The following DTNBP1 variants were observed in gnomAD, a reference collection of about 807,000 sequenced individuals.
DTNBP1 encodes dysbindin.
Under a neutral mutation model 42.8 loss-of-function variants are expected in DTNBP1, and 35 were observed. That is an observed-to-expected ratio of 0.82 (90% CI 0.63 to 1.09). The LOEUF is 1.09. Ranked by LOEUF, DTNBP1 falls within the 50% of genes least tolerant of loss-of-function variation. DTNBP1 has a pLI of 0.00. For synonymous variants in DTNBP1, 171 were observed against 162.2 expected (o/e 1.05, Z -0.41); for missense variants, 457 against 424.2 (o/e 1.08, Z -0.68).
intron 7 of DTNBP1, among the ~76,000 whole-genome samples, chr6:15,561,292 A>G (rs776572233): frequency 2.0e-5 from 3 of 152,248 alleles, no homozygotes; most frequent in Non-Finnish European, 4.4e-5. Context: ...TGCCCAGTTC[A>G]TGGAAAGCCT....
intron 6 of DTNBP1, among the ~76,000 whole-genome samples, chr6:15,603,423 T>C (rs1472802443): frequency 1.3e-5 from 2 of 152,208 alleles, no homozygotes; most frequent in African/African-American, 4.8e-5. Flanking sequence ...ATATTTTCCA[T>C]GTCTCTACTT....
chr6:15,652,038 T>C, intron 2 of DTNBP1, 49 bp downstream of exon 2: 1 of 1,531,732 alleles, frequency 6.5e-7, no homozygotes, highest in Non-Finnish European at 9.0e-7. Flanking sequence ...CACCAAAAGT[T>C]GTATGAAATT....
At chr6:15,573,285 T>C (rs1340753816) in intron 7 of DTNBP1, among the ~76,000 whole-genome samples, 3 of 152,162 alleles carry the variant, frequency 2.0e-5, no homozygotes, top group African/African-American at 7.2e-5. Flanking sequence ...TTTTGATACA[T>C]GATATATACT....
At chr6:15,615,421 C>G in intron 5 of DTNBP1, 22 bp from the exon 6 acceptor site, 1 of 1,613,054 alleles carries the variant, frequency 6.2e-7, no homozygotes, top group Non-Finnish European at 8.5e-7. Flanking sequence ...TAAAAATAAA[C>G]AGACCTCAAA....
intron 5 of DTNBP1, among the ~76,000 whole-genome samples, chr6:15,617,547 C>G (rs1039397184): frequency 1.3e-5 from 2 of 151,450 alleles, no homozygotes; most frequent in African/African-American, 4.9e-5. Context: ...AACAGAGAAC[C>G]CAGAAAACCC....
At chr6:15,593,141 C>T (rs1776368349) in intron 6 of DTNBP1, 60 bp from the exon 7 acceptor site, 2 of 1,447,738 alleles carry the variant, frequency 1.4e-6, no homozygotes, top group Non-Finnish European at 9.4e-7. Flanking sequence ...CCAATGAAAA[C>T]TGTTCTTCCA....
intron 7 of DTNBP1, chr6:15,579,795 G>A (rs926498623): frequency 2.0e-5 from 9 of 452,354 alleles, no homozygotes; most frequent in Non-Finnish European, 3.5e-5. Context: ...CCGACAGAGT[G>A]AGACTCCCTC....
intron 7 of DTNBP1, among the ~76,000 whole-genome samples, chr6:15,557,060 TTC>T (rs1161506596): frequency 1.3e-5 from 2 of 152,154 alleles, no homozygotes; most frequent in Non-Finnish European, 2.9e-5. Context: ...TTGTCTGCAC[TTC>T]TGTCTGGTGT....
At chr6:15,551,847 C>T (rs998567593) in intron 7 of DTNBP1, among the ~76,000 whole-genome samples, 2 of 152,200 alleles carry the variant, frequency 1.3e-5, no homozygotes, top group African/African-American at 4.8e-5. Flanking sequence ...CAGGAGCAGC[C>T]TCACAAGTAC....
At chr6:15,552,862 A>G (rs1189461066) in intron 7 of DTNBP1, among the ~76,000 whole-genome samples, 5 of 152,196 alleles carry the variant, frequency 3.3e-5, no homozygotes, top group African/African-American at 1.2e-4. Context: ...GAATACTTTC[A>G]GGTCTTCTAT....
chr6:15,589,050 G>C (rs1776192889), intron 7 of DTNBP1, among the ~76,000 whole-genome samples: 1 of 152,334 alleles, frequency 6.6e-6, no homozygotes, highest in South Asian at 2.1e-4. Flanking sequence ...ATTGTTCAAT[G>C]GCAGCTGAAT....
In DTNBP1 at chr6:15,587,450, T is replaced by C. The variant is rs1008254721; in HGVS notation, c.511+5609A>G. Among the ~76,000 whole-genome samples, 1 of 152,226 alleles carries C rather than the reference T, an allele frequency of 6.6e-6. No homozygotes were observed. Among genetic ancestry groups the C allele is most frequent in the Non-Finnish European group, 1.5e-5 (1 of 68,030 alleles). ...ACGAAGGACCTTAAATATTAAATAG[T>C]CAAACCAATTTTAAAAAGTAGTAGG... is the stretch of plus-strand genomic sequence containing the variant. On this transcript the variant is annotated intron_variant, in intron 7 of 9. Transcript: ENST00000344537. This position sits in a 1 kb window ranked among gnomAD's most constrained non-coding sequence, Gnocchi z 4.1.
intron 7 of DTNBP1, among the ~76,000 whole-genome samples, chr6:15,566,023 A>C (rs1476837628): frequency 6.6e-6 from 1 of 152,222 alleles, no homozygotes; most frequent in East Asian, 1.9e-4. Flanking sequence ...TCTAAAGCCA[A>C]GACTGAAAAA....
intron 4 of DTNBP1, among the ~76,000 whole-genome samples, chr6:15,632,996 C>G (rs927420141): frequency 1.3e-5 from 2 of 152,112 alleles, no homozygotes; most frequent in African/African-American, 4.8e-5. Context: ...CATTTTAAAA[C>G]AACGTGTGAG....
At chr6:15,648,592 T>C (rs893017698) in intron 3 of DTNBP1, among the ~76,000 whole-genome samples, 5 of 151,994 alleles carry the variant, frequency 3.3e-5, no homozygotes, top group Non-Finnish European at 7.4e-5. Context: ...GTTGTTTCTA[T>C]ATACTACCAA....
intron 6 of DTNBP1, among the ~76,000 whole-genome samples, chr6:15,605,881 A>T (rs1561986859): frequency 6.6e-6 from 1 of 152,204 alleles, no homozygotes; most frequent in Non-Finnish European, 1.5e-5. Flanking sequence ...TCTAGCCACT[A>T]CACAATGTTT....
At chr6:15,558,991 G>A (rs905439782) in intron 7 of DTNBP1, among the ~76,000 whole-genome samples, 10 of 152,094 alleles carry the variant, frequency 6.6e-5, no homozygotes, top group African/African-American at 2.2e-4. Flanking sequence ...TTTAGACTAC[G>A]GAAATGACAT....
rs375418867 is a variant in DTNBP1 at position 15,653,251 on chromosome 6, T to C, written c.57-1111A>G. On this transcript the variant is annotated intron_variant, in intron 1 of 9. Transcript: ENST00000344537. ...GATGACTCAGGATCAGTATTAAGAA[T>C]ATCATTGACTACATTTTGCAGCAAA... Among the ~76,000 whole-genome samples the C allele has an allele frequency of 2.3e-4, 35 of 152,352 alleles. No individual in the cohort carries two copies. The South Asian group carries it at 6.6e-3, about 29-fold the overall frequency.
rs906861981 is a variant in DTNBP1 at position 15,648,607 on chromosome 6, TAATTC to T, written c.161+2701_161+2705del. On this transcript the variant is annotated intron_variant, in intron 3 of 9. Transcript: ENST00000344537. The stretch of plus-strand genomic sequence containing the variant: ...GTTGTTTCTATATACTACCAATAAA[TAATTC>T]AAAAAAAGCAATTAAGAAAACAATT... Among the ~76,000 whole-genome samples the T allele has an allele frequency of 6.3e-4, 95 of 151,704 alleles. 1 individual carries two copies. The highest frequency in any genetic ancestry group is 3.4e-3 in the Middle Eastern group (1 of 294).
Sources: allele counts gnomAD v4.1 joint callset (sites outside exome capture counted in the v4.1 genomes callset), GRCh38; gene constraint gnomAD v4.1.1; non-coding constraint Gnocchi (gnomAD v3.1); transcripts MANE v1.5; gene names NCBI Gene and HGNC (gene_info 2026-07-23, HGNC 2026-07-21).